The following CELF2 variants were observed in gnomAD, a reference collection of about 807,000 sequenced individuals.
CELF2 encodes the protein CUG triplet repeat RNA-binding protein 2.
A neutral mutation model predicts 62.6 loss-of-function variants in CELF2; 8 were observed. The observed-to-expected ratio is 0.13, with a 90% CI of 0.07 to 0.23. The LOEUF (loss-of-function observed/expected upper bound fraction) is 0.23, where lower values mean the gene tolerates loss of function less well. Ranked by LOEUF, CELF2 falls within the 10% of genes least tolerant of loss-of-function variation. The probability of loss-of-function intolerance (pLI) is 1.00; values close to 1 mark genes in which losing one functional copy is unlikely to be tolerated. For synonymous variants in CELF2, 258 were observed against 250.0 expected, an observed-to-expected ratio of 1.03 and a Z score of -0.30; for missense variants, 333 against 671.0, an observed-to-expected ratio of 0.50 and a Z score of 5.56.
chr10:11,008,052 T>C lies in CELF2; in HGVS notation c.53+2612T>C, dbSNP rs998346630. 6.6e-6 allele frequency among the ~76,000 whole-genome samples: 1 copy of C among 152,142 alleles called. No individual in the cohort carries two copies. The highest frequency in any genetic ancestry group is 1.5e-5 in the Non-Finnish European group (1 of 68,010). ...ACATATGTCTTTTCCTTTCACCTGATAGGGACGGTGTGAGGTTGCCCGAAG... is the reference window on the plus strand; with the variant it reads ...ACATATGTCTTTTCCTTTCACCTGACAGGGACGGTGTGAGGTTGCCCGAAG... On this transcript the variant is annotated intron_variant, in intron 1 of 12. Transcript: ENST00000416382. The surrounding 1 kb of genome is among the most constrained non-coding windows in gnomAD (Gnocchi z 4.5).
the CELF2 span, among the ~76,000 whole-genome samples, chr10:10,644,560 C>G: frequency 6.6e-6 from 1 of 152,132 alleles, no homozygotes; most frequent in Non-Finnish European, 1.5e-5. Flanking sequence ...TCCTCTGGCA[C>G]AAAAGCAGCT....
the CELF2 span, among the ~76,000 whole-genome samples, chr10:10,547,056 G>A: frequency 7.2e-5 from 11 of 152,186 alleles, no homozygotes; most frequent in South Asian, 2.1e-3. Flanking sequence ...GCAGTGAGTC[G>A]AGATCACGCC....
chr10:10,786,983 T>A, the CELF2 span, among the ~76,000 whole-genome samples: 1 of 151,688 alleles, frequency 6.6e-6, no homozygotes, highest in South Asian at 2.1e-4. Context: ...AGTGAACTCA[T>A]CTCAGAAAAT....
the CELF2 span, among the ~76,000 whole-genome samples, chr10:10,506,670 ATTTTTTTTTT>A: frequency 3.1e-5 from 2 of 64,556 alleles, no homozygotes; most frequent in Non-Finnish European, 5.4e-5. Context: ...CCTCCTGTGA[ATTTTTTTTTT>A]TTTTTTTTTT....
chr10:11,060,784 C>T (rs1228385902), intron 1 of CELF2, among the ~76,000 whole-genome samples: 1 of 152,172 alleles, frequency 6.6e-6, no homozygotes, highest in Non-Finnish European at 1.5e-5. Flanking sequence ...ATGTTTCAAA[C>T]TTTATTATAA....
chr10:11,314,375 C>T lies in CELF2; in HGVS notation c.1096+117C>T. ...GGATATGCCACGGGGAGAACTAAAA[C>T]TTGGGATGGAGGAGCACATGCTTTG... On this transcript the variant is annotated intron_variant, in intron 10 of 12. Coordinates refer to ENST00000633077, the MANE Select transcript of CELF2 (RefSeq NM_001326342.2). This position sits in a 1 kb window ranked among gnomAD's most constrained non-coding sequence, Gnocchi z 5.3. 1.4e-6 allele frequency: 2 copies of T among 1,394,272 alleles called. No homozygotes were observed. The highest frequency in any genetic ancestry group is 2.0e-6 in the Non-Finnish European group (2 of 988,450). The allele number at this position is 1,394,272 out of a possible 1,614,324, so 86.4% of individuals were successfully genotyped here. A position where few individuals can be genotyped will look rare whatever the true frequency, so the allele number is the denominator to read the frequency against.
the CELF2 span, among the ~76,000 whole-genome samples, chr10:10,629,868 AAAAAAAAAG>A: frequency 7.0e-6 from 1 of 142,556 alleles, no homozygotes; most frequent in Non-Finnish European, 1.5e-5. Flanking sequence ...GACCAAAAAA[AAAAAAAAAG>A]AAAAAAAAAA....
the CELF2 span, among the ~76,000 whole-genome samples, chr10:10,708,189 G>A: frequency 6.6e-6 from 1 of 152,206 alleles, no homozygotes; most frequent in African/African-American, 2.4e-5. Flanking sequence ...CCATTGCACA[G>A]TATTTCATTG....
chr10:11,226,806 A>G (rs1488656748), intron 3 of CELF2, among the ~76,000 whole-genome samples: 1 of 152,172 alleles, frequency 6.6e-6, no homozygotes, highest in African/African-American at 2.4e-5. Flanking sequence ...GGAGCTTTCT[A>G]AGAGGAAGTG....
chr10:10,720,412 T>G, the CELF2 span, among the ~76,000 whole-genome samples: 1 of 152,138 alleles, frequency 6.6e-6, no homozygotes, highest in African/African-American at 2.4e-5. Flanking sequence ...ATCGCGTAAA[T>G]GATTACATGT....
At position 10,931,141 on chromosome 10, in the gene CELF2, T is replaced by C. The variant is rs1002838111; in HGVS notation, c.89+11142T>C. Among the ~76,000 whole-genome samples, 16 of 152,262 alleles carry C rather than the reference T, an allele frequency of 1.1e-4. No individual in the cohort carries two copies. Among genetic ancestry groups the C allele is most frequent in the African/African-American group, 3.9e-4 (16 of 41,474 alleles). On this transcript the variant is annotated intron_variant, in intron 2 of 13. Coordinates refer to the CELF2 transcript ENST00000636488. This position sits in a 1 kb window ranked among gnomAD's most constrained non-coding sequence, Gnocchi z 6.1. ...GATTAGGTTTTGTAAATGTTTCTAT[T>C]ATGTATTTTCCTTTTCCTTCTTTCT...
At chr10:10,753,557 A>G in the CELF2 span, among the ~76,000 whole-genome samples, 2 of 152,322 alleles carry the variant, frequency 1.3e-5, no homozygotes, top group Non-Finnish European at 2.9e-5. Flanking sequence ...CCAGAAATGT[A>G]TCCAAGGACC....
the CELF2 span, among the ~76,000 whole-genome samples, chr10:10,484,717 A>G: frequency 6.6e-6 from 1 of 152,112 alleles, no homozygotes; most frequent in Non-Finnish European, 1.5e-5. Context: ...ACATTTTAAT[A>G]ACCAAAAATG....
At chr10:10,823,017 TTAAG>T (rs1468284033) in intron 1 of CELF2, among the ~76,000 whole-genome samples, 4 of 152,336 alleles carry the variant, frequency 2.6e-5, no homozygotes, top group African/African-American at 4.8e-5. Context: ...ACTTACTTTA[TTAAG>T]TGTTTAGATA....
chr10:10,806,698 T>G (rs937442682), intron 1 of CELF2, among the ~76,000 whole-genome samples: 2 of 152,184 alleles, frequency 1.3e-5, no homozygotes, highest in Non-Finnish European at 2.9e-5. Flanking sequence ...ATCTTGGCCA[T>G]CAGGTTTCAG....
chr10:10,567,553 A>G, the CELF2 span, among the ~76,000 whole-genome samples: 3 of 152,144 alleles, frequency 2.0e-5, no homozygotes, highest in African/African-American at 7.2e-5. Context: ...GGCTACTAGG[A>G]ACTCTTAAGG....
chr10:11,153,838 G>A (rs1331358410), intron 1 of CELF2, among the ~76,000 whole-genome samples: 1 of 152,188 alleles, frequency 6.6e-6, no homozygotes, highest in African/African-American at 2.4e-5. Flanking sequence ...CCGCAGAATT[G>A]TACAGTTTTT....
At chr10:10,691,752 G>A in the CELF2 span, among the ~76,000 whole-genome samples, 32,408 of 142,968 alleles carry the variant, frequency 0.23, 3,615 homozygotes, top group South Asian at 0.4. Context: ...TTTCTCTGAT[G>A]GCCAGTGATG....
At chr10:11,141,386 C>T (rs2061336349) in intron 1 of CELF2, among the ~76,000 whole-genome samples, 1 of 152,150 alleles carries the variant, frequency 6.6e-6, no homozygotes, top group South Asian at 2.1e-4. Flanking sequence ...AGCAGAGACT[C>T]GGAGGGGTAG....
Sources: gnomAD v4.1 joint callset for allele counts (sites outside exome capture counted in the v4.1 genomes callset) on GRCh38, gnomAD v4.1.1 for gene constraint, Gnocchi (gnomAD v3.1) non-coding constraint, MANE v1.5 for transcripts, NCBI Gene and HGNC (gene_info 2026-07-23, HGNC 2026-07-21) for gene names.